Variants in SLC38A12 observed in about 807,000 individuals in gnomAD.
SLC38A12 encodes solute carrier family 38 member 12.
At chr17:74,794,952 A>T in the SLC38A12 span, 1 of 1,443,606 alleles carries the variant, frequency 6.9e-7, no homozygotes, top group Non-Finnish European at 9.6e-7. Flanking sequence ...AAGAAGAAAA[A>T]AAAAAAAACA....
the SLC38A12 span, among the ~76,000 whole-genome samples, chr17:74,801,562 T>C: frequency 3.3e-5 from 5 of 152,178 alleles, no homozygotes; most frequent in Non-Finnish European, 4.4e-5. Flanking sequence ...TGCTGAGCCT[T>C]CTGCAGTCAT....
At chr17:74,793,080 C>T in the SLC38A12 span, among the ~76,000 whole-genome samples, 5 of 152,256 alleles carry the variant, frequency 3.3e-5, no homozygotes, top group Admixed American at 3.3e-4. Context: ...TTTTGCCCCC[C>T]ACTACAGACT....
chr17:74,838,930 CAGCCCAGCCT>C, the SLC38A12 span: 1 of 1,535,744 alleles, frequency 6.5e-7, no homozygotes, highest in African/African-American at 1.4e-5. Context: ...AAGAGGATGC[CAGCCCAGCCT>C]GGCCCAGGAG....
At chr17:74,798,118 CCTT>C in the SLC38A12 span, among the ~76,000 whole-genome samples, 2 of 152,210 alleles carry the variant, frequency 1.3e-5, no homozygotes, top group African/African-American at 4.8e-5. Flanking sequence ...TGCACACAGA[CCTT>C]GTTTGTCTCA....
the SLC38A12 span, among the ~76,000 whole-genome samples, chr17:74,796,987 A>G: frequency 4.1e-4 from 63 of 152,172 alleles, no homozygotes; most frequent in African/African-American, 1.5e-3. Context: ...GGGATGAAGG[A>G]CAGGATTTGA....
At chr17:74,794,771 C>T in the SLC38A12 span, among the ~76,000 whole-genome samples, 97 of 152,196 alleles carry the variant, frequency 6.4e-4, no homozygotes, top group Middle Eastern at 3.4e-3. Flanking sequence ...CTCCCAGCCT[C>T]GTTGAGTCCT....
chr17:74,838,125 C>T, the SLC38A12 span: 1 of 985,806 alleles, frequency 1.0e-6, no homozygotes, highest in Non-Finnish European at 1.2e-6. Flanking sequence ...GCTGCGCCAC[C>T]TCTGCCCTGG....
At chr17:74,830,904 T>C in the SLC38A12 span, among the ~76,000 whole-genome samples, 4 of 152,218 alleles carry the variant, frequency 2.6e-5, no homozygotes, top group South Asian at 2.1e-4. Flanking sequence ...TGAGATCCAC[T>C]ATCAGGATGA....
chr17:74,838,616 T>C, the SLC38A12 span: 3 of 1,334,978 alleles, frequency 2.2e-6, no homozygotes, highest in South Asian at 1.6e-5. Context: ...ACATCGCTGA[T>C]GCCAAGTGGG....
the SLC38A12 span, chr17:74,785,450 C>G: frequency 6.2e-7 from 1 of 1,600,930 alleles, no homozygotes; most frequent in Non-Finnish European, 8.5e-7. Context: ...TGATTAAGTT[C>G]CGGGCTTGAA....
At chr17:74,793,167 C>T in the SLC38A12 span, among the ~76,000 whole-genome samples, 1 of 152,172 alleles carries the variant, frequency 6.6e-6, no homozygotes, top group Non-Finnish European at 1.5e-5. Context: ...AGGGAGTCTC[C>T]TCTACCCTGG....
chr17:74,819,692 G>A, the SLC38A12 span: 7 of 1,530,922 alleles, frequency 4.6e-6, no homozygotes, highest in African/African-American at 9.6e-5. Flanking sequence ...CGTCTTCCGT[G>A]TGCAGACAGT....
At chr17:74,777,421 C>T in the SLC38A12 span, 4 of 1,612,882 alleles carry the variant, frequency 2.5e-6, no homozygotes, top group Non-Finnish European at 2.5e-6. Context: ...GTGTTCCTGG[C>T]TTCTAGAAAA....
At chr17:74,831,725 C>G in the SLC38A12 span, among the ~76,000 whole-genome samples, 1 of 152,244 alleles carries the variant, frequency 6.6e-6, no homozygotes. Flanking sequence ...CCCTGCACAT[C>G]TGACTGTGAA....
the SLC38A12 span, among the ~76,000 whole-genome samples, chr17:74,778,388 C>T: frequency 6.6e-6 from 1 of 152,302 alleles, no homozygotes; most frequent in Admixed American, 6.5e-5. Context: ...TTTTCTAGAA[C>T]TTGACCTGCC....
At chr17:74,789,845 CAAAAAAAAAAA>C in the SLC38A12 span, among the ~76,000 whole-genome samples, 3 of 47,412 alleles carry the variant, frequency 6.3e-5, no homozygotes, top group Admixed American at 4.8e-4. Context: ...AACTTCGTCT[CAAAAAAAAAAA>C]AAAAAAAAAA....
the SLC38A12 span, among the ~76,000 whole-genome samples, chr17:74,787,485 G>A: frequency 3.3e-5 from 5 of 151,776 alleles, no homozygotes; most frequent in Admixed American, 6.6e-5. Flanking sequence ...AGCCGGGCGC[G>A]GTGGCGGGTG....
chr17:74,807,328 G>A, the SLC38A12 span, among the ~76,000 whole-genome samples: 5 of 152,342 alleles, frequency 3.3e-5, no homozygotes, highest in African/African-American at 9.6e-5. Context: ...CACGGGCTGC[G>A]TCTCGTTCAC....
At chr17:74,812,474 C>T in the SLC38A12 span, among the ~76,000 whole-genome samples, 4 of 152,330 alleles carry the variant, frequency 2.6e-5, no homozygotes, top group East Asian at 5.8e-4. Flanking sequence ...ACTTCAAGGA[C>T]GTGTTGAAAG....
Sources: allele counts gnomAD v4.1 joint callset (sites outside exome capture counted in the v4.1 genomes callset), GRCh38; gene constraint gnomAD v4.1.1; transcripts MANE v1.5; gene names NCBI Gene and HGNC (gene_info 2026-07-23, HGNC 2026-07-21).